The following CHD7 variants were observed in gnomAD, a reference collection of about 807,000 sequenced individuals.
CHD7 encodes ATP-dependent chromatin remodeler CHD7.
In CHD7, 24 loss-of-function variants were observed where a neutral mutation model predicts 307.3. The observed-to-expected ratio is 0.08, with a 90% confidence interval of 0.06 to 0.11. CHD7 has a LOEUF of 0.11. Ranked by LOEUF, CHD7 falls within the 10% of genes least tolerant of loss-of-function variation. The pLI, the probability that CHD7 is intolerant of heterozygous loss-of-function variation, is 1.00. For missense variants in CHD7, 3,106 were observed against 3,727.1 expected (o/e 0.83, Z 4.34); for synonymous variants, 1,363 against 1,349.9 (o/e 1.01, Z -0.21).
chr8:60,757,097 G>A (rs79290553), intron 2 of CHD7, among the ~76,000 whole-genome samples: 338 of 152,184 alleles, frequency 2.2e-3, no homozygotes, highest in African/African-American at 7.8e-3. Flanking sequence ...GCTGGGATTG[G>A]GGCCTTAAAA....
In CHD7 at chr8:60,865,115, G is replaced by T. The variant is rs749452262; in HGVS notation, c.8176G>T (p.Ala2726Ser). The change falls in exon 38 of 38, where the codon GCC (alanine) becomes TCC (serine). Residue 2726 changes from alanine to serine, a missense_variant. Ala to Ser is a moderately conservative substitution (Grantham distance 99, BLOSUM62 1). Coordinates refer to ENST00000423902, the MANE Select transcript of CHD7 (RefSeq NM_017780.4). The surrounding 1 kb of genome is among the most constrained non-coding windows in gnomAD (Gnocchi z 4.3). Reference protein sequence around the residue: ...RRGRRPKSEIARAAAAAAAVA... With the variant: ...RRGRRPKSEISRAAAAAAAVA... The stretch of plus-strand genomic sequence containing the variant: ...AGGAAGAAGGCCCAAAAGTGAGATC[G>T]CCAGAGCAGCCGCGGCCGCCGCTGC... 3.1e-6 allele frequency: 5 copies of T among 1,610,408 alleles called. No homozygotes were observed. The highest frequency in any genetic ancestry group is 1.3e-5 in the African/African-American group (1 of 74,984).
chr8:60,742,168 G>C lies in CHD7; in HGVS notation c.736G>C (p.Ala246Pro), dbSNP rs375325395. The C allele has an allele frequency of 1.6e-5, 26 of 1,613,770 alleles. No homozygotes were observed. Among genetic ancestry groups the C allele is most frequent in the Non-Finnish European group, 2.1e-5 (25 of 1,179,876 alleles). ...SHVPQQSPSM[A>P]PSLRHSVQQF... is the part of the protein sequence containing the mutation. ...CGTGCCCCAGCAGAGTCCCAGCATG[G>C]CACCTTCCTTGCGTCACTCGGTGCA... is the stretch of plus-strand genomic sequence containing the variant. The change falls in exon 2 of 38, where the codon GCA (alanine) becomes CCA (proline). Residue 246 changes from alanine to proline, a missense_variant. By Grantham distance (27) the Ala-to-Pro change is conservative. This residue lies in a region of CHD7 where 998 missense variants were observed against 1,004.5 expected (regional missense o/e 0.99). Transcript: ENST00000423902.
chr8:60,858,013 TG>T (rs762810238), intron 34 of CHD7, among the ~76,000 whole-genome samples: 2 of 152,368 alleles, frequency 1.3e-5, no homozygotes, highest in East Asian at 3.9e-4. Flanking sequence ...CCCAGCACTC[TG>T]GGAGGCCAAG....
At chr8:60,736,919 C>T (rs904801391) in intron 1 of CHD7, among the ~76,000 whole-genome samples, 3 of 152,102 alleles carry the variant, frequency 2.0e-5, no homozygotes, top group African/African-American at 7.2e-5. Flanking sequence ...AAATGCCATT[C>T]TACTTTGAGA....
chr8:60,798,833 G>A (rs966071728), intron 4 of CHD7, among the ~76,000 whole-genome samples: 1 of 152,064 alleles, frequency 6.6e-6, no homozygotes, highest in Non-Finnish European at 1.5e-5. Flanking sequence ...ATTTAGATTT[G>A]ACATACATAT....
rs1202419522 is a variant in CHD7, at chr8:60,678,936, G to GA, written c.-318dup. The GA allele has an allele frequency of 6.6e-6, 1 of 152,294 alleles. No homozygotes were observed. The highest frequency in any genetic ancestry group is 6.6e-5 in the Admixed American group (1 of 15,242). The allele number at this position is 152,294 out of a possible 1,614,324, so 9.4% of individuals were successfully genotyped here. A position where few individuals can be genotyped will look rare whatever the true frequency, so the allele number is the denominator to read the frequency against. On this transcript the variant is annotated 5_prime_UTR_variant, in exon 1 of 38. Transcript: ENST00000423902. Reference sequence around the variant, plus strand: ...GGCGGCCCGGGGACCCGGACACCCTGAAACTCACCAGAGACCCGTTCGCCC... The same window carrying GA: ...GGCGGCCCGGGGACCCGGACACCCTGAAAACTCACCAGAGACCCGTTCGCCC...
rs202143667 is a variant in CHD7 at position 60,816,506 on chromosome 8, G to A, written c.2613+5G>A. The stretch of plus-strand genomic sequence containing the variant: ...CAGAACAAGTTCCTTTCAGAGGTAC[G>A]ACATACCTGCTTACTTTTCCAAAGT... On this transcript the variant is annotated splice_donor_5th_base_variant and intron_variant, in intron 8 of 37. Transcript: ENST00000423902. The A allele has an allele frequency of 1.7e-5, 25 of 1,473,518 alleles. No individual in the cohort carries two copies. In the African/African-American group the frequency reaches 2.0e-4, roughly 12 times the overall value. 91.3% of individuals were successfully genotyped at this position (1,473,518 alleles called of 1,614,324 possible).
chr8:60,756,100 C>T (rs1485542534), intron 2 of CHD7, among the ~76,000 whole-genome samples: 3 of 152,186 alleles, frequency 2.0e-5, no homozygotes, highest in South Asian at 4.1e-4. Context: ...AGGCTAGTGA[C>T]TTTCATATAG....
intron 1 of CHD7, among the ~76,000 whole-genome samples, chr8:60,728,882 A>G (rs887148745): frequency 3.3e-5 from 5 of 152,218 alleles, no homozygotes; most frequent in African/African-American, 1.2e-4. Context: ...AACTTATGTT[A>G]TAGGGGTTTG....
At chr8:60,824,789 T>C (rs1308246224) in intron 13 of CHD7, 2 of 152,184 alleles carry the variant, frequency 1.3e-5, no homozygotes, top group African/African-American at 4.8e-5. Context: ...TCTTCCTGAT[T>C]AGATTTTCTA....
At chr8:60,767,881 T>C (rs1353203533) in intron 2 of CHD7, among the ~76,000 whole-genome samples, 14 of 152,240 alleles carry the variant, frequency 9.2e-5, no homozygotes, top group Non-Finnish European at 2.9e-5. Flanking sequence ...CTAATAATTA[T>C]TATTTTATGA....
intron 2 of CHD7, among the ~76,000 whole-genome samples, chr8:60,774,847 C>T (rs1305837998): frequency 1.3e-5 from 2 of 152,192 alleles, no homozygotes; most frequent in Admixed American, 1.3e-4. Flanking sequence ...TATAGAAACA[C>T]CACAGCATAG....
At position 60,741,520 on chromosome 8, in the gene CHD7, C is replaced by T; in HGVS notation, c.88C>T (p.Pro30Ser). Reference protein sequence around the residue: ...GLEGLGECGYPENPVNPMGQQ... With the variant: ...GLEGLGECGYSENPVNPMGQQ... ...TGAAGGCCTCGGAGAATGTGGTTAC[C>T]CGGAAAATCCAGTAAATCCTATGGG... is the stretch of plus-strand genomic sequence containing the variant. The change falls in exon 2 of 38, where the codon CCG becomes TCG. Residue 30 changes from proline (P) to serine (S), a missense_variant. Physicochemically the swap from Pro to Ser is moderately conservative, Grantham distance 74. Around this residue, in one of 10 missense-constraint regions of CHD7, gnomAD observed 998 missense variants for 1,004.5 expected, o/e 0.99. Transcript: ENST00000423902. 6.2e-7 allele frequency: 1 copy of T among 1,613,120 alleles called. No homozygotes were observed. The highest frequency in any genetic ancestry group is 8.5e-7 in the Non-Finnish European group (1 of 1,179,506).
chr8:60,761,105 A>G (rs9693719), intron 2 of CHD7, among the ~76,000 whole-genome samples: 117,421 of 151,824 alleles, frequency 0.77, 45,684 homozygotes, highest in East Asian at 0.94. Context: ...ATGTCCGACA[A>G]TGATAGATTG....
intron 23 of CHD7, among the ~76,000 whole-genome samples, chr8:60,846,838 G>A (rs780185156): frequency 6.6e-6 from 1 of 152,196 alleles, no homozygotes; most frequent in Non-Finnish European, 1.5e-5. Flanking sequence ...GCCAGTTAGG[G>A]GGCAGAACCA....
chr8:60,751,974 TTTA>T (rs1428037448), intron 2 of CHD7, among the ~76,000 whole-genome samples: 4 of 152,206 alleles, frequency 2.6e-5, no homozygotes, highest in African/African-American at 9.6e-5. Context: ...TACCTCTTAT[TTTA>T]AAGATTGGAT....
chr8:60,692,181 T>C (rs1423270902), intron 1 of CHD7, among the ~76,000 whole-genome samples: 1 of 151,920 alleles, frequency 6.6e-6, no homozygotes, highest in African/African-American at 2.4e-5. Context: ...TATTTTGGAA[T>C]ATTGCAAGTT....
intron 7 of CHD7, among the ~76,000 whole-genome samples, chr8:60,811,655 T>C (rs1427347318): frequency 6.6e-6 from 1 of 152,244 alleles, no homozygotes; most frequent in African/African-American, 2.4e-5. Context: ...CATATCTATA[T>C]ATTTTCAAAT....
At position 60,702,194 on chromosome 8, in the gene CHD7, A is replaced by T. The variant is rs977429737; in HGVS notation, c.-175+23112A>T. 3.9e-5 allele frequency among the ~76,000 whole-genome samples: 6 copies of T among 152,216 alleles called. No homozygotes were observed. The East Asian group carries it at 5.8e-4, about 15-fold the overall frequency. On this transcript the variant is annotated intron_variant, in intron 1 of 37. Coordinates refer to ENST00000423902, the MANE Select transcript of CHD7 (RefSeq NM_017780.4). ...GGCAGGTGGTGTGTGGGTGGGTGAGAGGGTGTATGATGCAAAGCCCCTAGC... is the reference window on the plus strand; with the variant it reads ...GGCAGGTGGTGTGTGGGTGGGTGAGTGGGTGTATGATGCAAAGCCCCTAGC...
Sources: allele counts gnomAD v4.1 joint callset (sites outside exome capture counted in the v4.1 genomes callset), GRCh38; gene constraint gnomAD v4.1.1; regional missense constraint gnomAD v4.1.1; non-coding constraint Gnocchi (gnomAD v3.1); transcripts MANE v1.5; gene names NCBI Gene and HGNC (gene_info 2026-07-23, HGNC 2026-07-21).